Variants in SKIC3 observed in about 807,000 individuals in gnomAD.
The protein encoded by SKIC3 is superkiller complex protein 3.
chr5:95,501,869 C>T, the SKIC3 span, among the ~76,000 whole-genome samples: 2 of 151,968 alleles, frequency 1.3e-5, no homozygotes, highest in East Asian at 3.9e-4. Flanking sequence ...GTTCTTGGAA[C>T]ATGTTATATA....
chr5:95,501,741 C>A, the SKIC3 span, among the ~76,000 whole-genome samples: 1 of 152,030 alleles, frequency 6.6e-6, no homozygotes. Flanking sequence ...CATTTCCTGT[C>A]TTAAGCAATA....
At chr5:95,547,238 C>A in the SKIC3 span, 1 of 1,214,946 alleles carries the variant, frequency 8.2e-7, no homozygotes, top group Non-Finnish European at 1.2e-6. Context: ...TGAAAAGGGA[C>A]CCTGGAAAAG....
At chr5:95,498,990 A>C in the SKIC3 span, among the ~76,000 whole-genome samples, 11 of 152,208 alleles carry the variant, frequency 7.2e-5, no homozygotes, top group Non-Finnish European at 1.6e-4. Context: ...CAATTTACGT[A>C]AAGAGTCACC....
chr5:95,465,940 C>T, the SKIC3 span, among the ~76,000 whole-genome samples: 41 of 152,272 alleles, frequency 2.7e-4, no homozygotes, highest in Admixed American at 2.6e-3. Flanking sequence ...AGATCCACGG[C>T]GAACTGTCTC....
At chr5:95,475,931 C>T in the SKIC3 span, among the ~76,000 whole-genome samples, 1 of 152,156 alleles carries the variant, frequency 6.6e-6, no homozygotes, top group African/African-American at 2.4e-5. Flanking sequence ...GTGGTGATGG[C>T]GGGGACAGGA....
chr5:95,528,335 A>C, the SKIC3 span, among the ~76,000 whole-genome samples: 1 of 152,240 alleles, frequency 6.6e-6, no homozygotes, highest in Admixed American at 6.5e-5. Context: ...GAAAGACCTG[A>C]ATTTAAAACA....
chr5:95,544,037 T>C, the SKIC3 span, among the ~76,000 whole-genome samples: 2 of 152,078 alleles, frequency 1.3e-5, no homozygotes, highest in East Asian at 3.9e-4. Context: ...CCAGAGAAAA[T>C]AAGAACATTT....
chr5:95,491,457 A>G, the SKIC3 span, among the ~76,000 whole-genome samples: 3 of 152,228 alleles, frequency 2.0e-5, no homozygotes, highest in Non-Finnish European at 2.9e-5. Flanking sequence ...TTCTTAAGAA[A>G]AGTTTAAGCC....
chr5:95,472,650 A>G, the SKIC3 span, among the ~76,000 whole-genome samples: 4 of 149,042 alleles, frequency 2.7e-5, no homozygotes, highest in East Asian at 1.9e-4. Flanking sequence ...TTTTTTTTCT[A>G]AAGTTTAACT....
At chr5:95,512,885 C>A in the SKIC3 span, 1 of 408,100 alleles carries the variant, frequency 2.5e-6, no homozygotes, top group Non-Finnish European at 4.4e-6. Flanking sequence ...CTGGCTTTCC[C>A]TTCCTCAGCA....
the SKIC3 span, chr5:95,540,684 C>T: frequency 6.2e-7 from 1 of 1,613,920 alleles, no homozygotes; most frequent in African/African-American, 1.3e-5. Context: ...ATAAATGAGT[C>T]AATACCAATT....
At chr5:95,553,975 C>G in the SKIC3 span, among the ~76,000 whole-genome samples, 1 of 152,214 alleles carries the variant, frequency 6.6e-6, no homozygotes, top group African/African-American at 2.4e-5. Flanking sequence ...ACGGCACAGA[C>G]TCTTCAATTT....
chr5:95,507,552 C>G, the SKIC3 span, among the ~76,000 whole-genome samples: 4 of 152,266 alleles, frequency 2.6e-5, no homozygotes, highest in East Asian at 7.7e-4. Context: ...TATGGGCAGG[C>G]AGGGAAATGT....
the SKIC3 span, among the ~76,000 whole-genome samples, chr5:95,500,703 G>A: frequency 1.6e-3 from 238 of 152,152 alleles, no homozygotes; most frequent in African/African-American, 5.5e-3. Flanking sequence ...TCTAACATCC[G>A]TTAATATCTG....
chr5:95,535,372 G>C, the SKIC3 span, among the ~76,000 whole-genome samples: 12 of 144,352 alleles, frequency 8.3e-5, no homozygotes, highest in Non-Finnish European at 1.6e-4. Flanking sequence ...GTGCAGTGGC[G>C]CTATCTCGGC....
the SKIC3 span, chr5:95,522,153 C>T: frequency 6.2e-7 from 1 of 1,613,844 alleles, no homozygotes; most frequent in East Asian, 2.2e-5. Flanking sequence ...ATTGCTGCAA[C>T]CTTAAACACA....
At chr5:95,530,131 G>A in the SKIC3 span, 10 of 1,613,332 alleles carry the variant, frequency 6.2e-6, no homozygotes, top group Non-Finnish European at 8.5e-6. Flanking sequence ...TTTTTGTCTT[G>A]TAATGCTTTA....
chr5:95,547,066 A>C, the SKIC3 span: 2 of 1,612,928 alleles, frequency 1.2e-6, no homozygotes, highest in Non-Finnish European at 1.7e-6. Context: ...GTTACCTTAC[A>C]GTGTTTCAAA....
chr5:95,477,498 A>T, the SKIC3 span, among the ~76,000 whole-genome samples: 2 of 152,226 alleles, frequency 1.3e-5, no homozygotes, highest in Admixed American at 1.3e-4. Context: ...AAACCAAAAG[A>T]ATAACAATTT....
Sources: allele counts gnomAD v4.1 joint callset (sites outside exome capture counted in the v4.1 genomes callset), GRCh38; gene constraint gnomAD v4.1.1; transcripts MANE v1.5; gene names NCBI Gene and HGNC (gene_info 2026-07-23, HGNC 2026-07-21).